Variants in GNA12 observed in about 807,000 individuals in gnomAD.
The protein encoded by GNA12 is guanine nucleotide-binding protein subunit alpha-12.
A neutral mutation model predicts 26.0 loss-of-function variants in GNA12; 9 were observed. That is an observed-to-expected ratio of 0.35 (90% CI 0.21 to 0.60). GNA12 has a LOEUF of 0.60. Ranked by LOEUF, GNA12 falls within the 20% of genes least tolerant of loss-of-function variation. GNA12 has a pLI of 0.78. For missense variants in GNA12, 405 were observed against 525.8 expected, an observed-to-expected ratio of 0.77 and a Z score of 2.25; for synonymous variants, 264 against 219.6, an observed-to-expected ratio of 1.20 and a Z score of -1.79.
chr7:2,807,360 TG>T (rs1422636118), intron 1 of GNA12, among the ~76,000 whole-genome samples: 2 of 152,336 alleles, frequency 1.3e-5, no homozygotes, highest in African/African-American at 4.8e-5. Flanking sequence ...CAAACATGTT[TG>T]AATTTCTAGT....
chr7:2,731,862 G>A lies in GNA12; in HGVS notation c.577-112C>T. 1 of 582,184 alleles carries A rather than the reference G, an allele frequency of 1.7e-6. No homozygotes were observed. Among genetic ancestry groups the A allele is most frequent in the Non-Finnish European group, 2.9e-6 (1 of 349,888 alleles). 36.1% of individuals were successfully genotyped at this position (582,184 alleles called of 1,614,324 possible). On this transcript the variant is annotated intron_variant, in intron 3 of 3. Transcript: ENST00000275364. The surrounding 1 kb of genome is among the most constrained non-coding windows in gnomAD (Gnocchi z 6.0). The stretch of plus-strand genomic sequence containing the variant: ...AGGAAAGAGACTGACTTTTGCAACA[G>A]GTTGAACCAGAAACCAAAAGCAAAT...
At chr7:2,771,240 G>A (rs1448818802) in intron 2 of GNA12, among the ~76,000 whole-genome samples, 1 of 152,086 alleles carries the variant, frequency 6.6e-6, no homozygotes, top group Admixed American at 6.6e-5. Context: ...GCCGTGAGCT[G>A]ACATGTCGCC....
At chr7:2,787,648 G>A (rs1255498734) in intron 2 of GNA12, among the ~76,000 whole-genome samples, 1 of 152,252 alleles carries the variant, frequency 6.6e-6, no homozygotes, top group Non-Finnish European at 1.5e-5. Context: ...AAGATAGGCT[G>A]AAGGCCGCTT....
intron 2 of GNA12, among the ~76,000 whole-genome samples, chr7:2,751,269 C>A (rs1427708698): frequency 6.6e-6 from 1 of 151,724 alleles, no homozygotes; most frequent in Non-Finnish European, 1.5e-5. Flanking sequence ...GCTTGTAGTC[C>A]CAGCTACTCA....
At chr7:2,835,801 G>A (rs1348754800) in intron 1 of GNA12, 1 of 672,828 alleles carries the variant, frequency 1.5e-6, no homozygotes, top group Non-Finnish European at 2.8e-6. Flanking sequence ...CATGCTTGCA[G>A]ATGCTGACTG....
At chr7:2,821,616 G>T (rs1054491371) in intron 1 of GNA12, among the ~76,000 whole-genome samples, 4 of 152,196 alleles carry the variant, frequency 2.6e-5, no homozygotes, top group Admixed American at 6.5e-5. Context: ...ATGGACAAGA[G>T]AAACTCCTGC....
intron 1 of GNA12, among the ~76,000 whole-genome samples, chr7:2,829,875 T>C (rs976523411): frequency 1.3e-5 from 2 of 152,216 alleles, no homozygotes; most frequent in African/African-American, 4.8e-5. Context: ...GAGCTAGAGT[T>C]TGACAGACAG....
intron 2 of GNA12, among the ~76,000 whole-genome samples, chr7:2,764,347 T>C (rs1447128520): frequency 6.6e-6 from 1 of 151,818 alleles, no homozygotes; most frequent in Non-Finnish European, 1.5e-5. Flanking sequence ...CCTCCCAAAG[T>C]GCCAGGATTC....
At chr7:2,794,767 T>C in intron 2 of GNA12, 161 bp downstream of exon 2, 1 of 623,346 alleles carries the variant, frequency 1.6e-6, no homozygotes, top group South Asian at 1.9e-5. Context: ...ATATAGCATC[T>C]GCCTCCATCC....
intron 1 of GNA12, chr7:2,814,964 C>T: frequency 6.4e-7 from 1 of 1,561,850 alleles, no homozygotes. Flanking sequence ...GCGCTCTGCA[C>T]TCGGCATGGC....
intron 1 of GNA12, among the ~76,000 whole-genome samples, chr7:2,822,448 G>C (rs574510891): frequency 1.3e-5 from 2 of 152,310 alleles, no homozygotes; most frequent in East Asian, 3.9e-4. Context: ...CTCAAACCCT[G>C]ATAAAGATTG....
chr7:2,733,876 G>T (rs1790027679), intron 2 of GNA12, among the ~76,000 whole-genome samples: 1 of 152,194 alleles, frequency 6.6e-6, no homozygotes, highest in Non-Finnish European at 1.5e-5. Context: ...TTTAGATTTT[G>T]GCTCCTGGGT....
chr7:2,824,421 G>A (rs1157168214), intron 1 of GNA12, among the ~76,000 whole-genome samples: 1 of 152,128 alleles, frequency 6.6e-6, no homozygotes, highest in African/African-American at 2.4e-5. Context: ...CTCTGCACTT[G>A]GGGTGCTCTC....
intron 2 of GNA12, among the ~76,000 whole-genome samples, chr7:2,783,357 C>CGGG (rs1792277275): frequency 6.6e-6 from 1 of 152,082 alleles, no homozygotes; most frequent in Non-Finnish European, 1.5e-5. Context: ...ACAGGTCTCC[C>CGGG]GGGGAGCTGG....
chr7:2,825,427 C>A (rs551597882), intron 1 of GNA12, among the ~76,000 whole-genome samples: 12 of 149,830 alleles, frequency 8.0e-5, no homozygotes, highest in African/African-American at 2.9e-4. Context: ...CCAGCATGTG[C>A]GCCCCCAGCA....
At chr7:2,820,401 C>CTTT (rs35674433) in intron 1 of GNA12, among the ~76,000 whole-genome samples, 44,359 of 125,980 alleles carry the variant, frequency 0.35, 8,338 homozygotes, top group Admixed American at 0.43. Flanking sequence ...CTCAATAAAG[C>CTTT]TTTTTTTTTT....
At chr7:2,757,027 T>C (rs1791330958) in intron 2 of GNA12, among the ~76,000 whole-genome samples, 1 of 152,120 alleles carries the variant, frequency 6.6e-6, no homozygotes, top group South Asian at 2.1e-4. Flanking sequence ...TGAACCGTGA[T>C]TGTGCCAGTG....
intron 2 of GNA12, among the ~76,000 whole-genome samples, chr7:2,788,149 C>G (rs1286857862): frequency 1.4e-5 from 2 of 138,980 alleles, no homozygotes; most frequent in Non-Finnish European, 3.3e-5. Flanking sequence ...GCGAGACTGT[C>G]TCCAAAAAAA....
At chr7:2,818,575 C>A (rs1793268218) in intron 1 of GNA12, among the ~76,000 whole-genome samples, 1 of 152,158 alleles carries the variant, frequency 6.6e-6, no homozygotes, top group South Asian at 2.1e-4. Flanking sequence ...CCAGCCTGGG[C>A]AACATGGTGA....
Sources: allele counts gnomAD v4.1 joint callset (sites outside exome capture counted in the v4.1 genomes callset), GRCh38; gene constraint gnomAD v4.1.1; non-coding constraint Gnocchi (gnomAD v3.1); transcripts MANE v1.5; gene names NCBI Gene and HGNC (gene_info 2026-07-23, HGNC 2026-07-21).